Variants in MLLT10 observed in about 807,000 individuals in gnomAD.
MLLT10 encodes MLLT10 histone lysine methyltransferase DOT1L cofactor.
MLLT10 carries 30 observed loss-of-function variants against 129.1 expected under a neutral mutation model. The observed-to-expected ratio is 0.23, with a 90% CI of 0.17 to 0.32. The LOEUF is 0.32. Among genes scored for constraint, MLLT10 ranks in the 10% least tolerant of loss-of-function variants. The probability of loss-of-function intolerance (pLI) is 1.00; values close to 1 mark genes in which losing one functional copy is unlikely to be tolerated. For synonymous variants in MLLT10, 490 were observed against 446.4 expected (o/e 1.10, Z -1.23); for missense variants, 1,119 against 1,268.3 (o/e 0.88, Z 1.79).
At chr10:21,714,877 T>A (rs1162119109) in intron 14 of MLLT10, among the ~76,000 whole-genome samples, 1 of 152,192 alleles carries the variant, frequency 6.6e-6, no homozygotes, top group Admixed American at 6.5e-5. Context: ...AATCCTGTTT[T>A]ATAAAGAGGA....
chr10:21,734,172 G>A (rs2058169687), intron 20 of MLLT10, 43 bp downstream of exon 20: 2 of 1,544,522 alleles, frequency 1.3e-6, no homozygotes, highest in African/African-American at 1.4e-5. Flanking sequence ...GTATAACAGA[G>A]TACCGGTGTT....
At chr10:21,553,554 T>G (rs1342154596) in intron 3 of MLLT10, among the ~76,000 whole-genome samples, 1 of 151,982 alleles carries the variant, frequency 6.6e-6, no homozygotes, top group African/African-American at 2.4e-5. Flanking sequence ...CTCAAACTCC[T>G]GGCCTCAAGT....
At chr10:21,590,265 T>C (rs1041462345) in intron 4 of MLLT10, among the ~76,000 whole-genome samples, 4 of 152,130 alleles carry the variant, frequency 2.6e-5, no homozygotes, top group African/African-American at 9.7e-5. Context: ...TAAGTCAATT[T>C]TGGTGCGCTC....
chr10:21,537,405 C>T (rs1389982510), intron 2 of MLLT10, among the ~76,000 whole-genome samples: 1 of 152,160 alleles, frequency 6.6e-6, no homozygotes, highest in Non-Finnish European at 1.5e-5. Flanking sequence ...TCATGTGATT[C>T]TCCTGCCTCA....
At chr10:21,624,669 C>T (rs2046248328) in intron 8 of MLLT10, 4 of 1,448,162 alleles carry the variant, frequency 2.8e-6, no homozygotes, top group Admixed American at 3.5e-5. Context: ...GAATAGTCAC[C>T]ACCTTGCTGA....
In MLLT10 at chr10:21,570,241, CGT is replaced by C. The variant is rs1056847774; in HGVS notation, c.241-16042_241-16041del. ...GTGTGTGTGTGTGTGTGTGTGCGCG[CGT>C]GTGTGTGTGTTTAGAGATGGGGTTC... On this transcript the variant is annotated intron_variant, in intron 3 of 22. Coordinates refer to ENST00000307729, the MANE Select transcript of MLLT10 (RefSeq NM_001195626.3). 1.2e-4 allele frequency among the ~76,000 whole-genome samples: 18 copies of C among 149,774 alleles called. No homozygotes were observed. The South Asian group carries it at 1.3e-3, about 11-fold the overall frequency.
intron 9 of MLLT10, among the ~76,000 whole-genome samples, chr10:21,655,921 T>C (rs529432105): frequency 6.6e-6 from 1 of 152,214 alleles, no homozygotes; most frequent in South Asian, 2.1e-4. Flanking sequence ...CTTTCAGCTG[T>C]TGAAGGAGGG....
intron 8 of MLLT10, among the ~76,000 whole-genome samples, chr10:21,628,991 G>T (rs772661210): frequency 3.6e-4 from 55 of 151,842 alleles, no homozygotes; most frequent in Non-Finnish European, 5.6e-4. Flanking sequence ...TCAGGTGATT[G>T]CCCACCTTGG....
At chr10:21,593,610 T>C (rs1423933679) in intron 4 of MLLT10, among the ~76,000 whole-genome samples, 6 of 152,052 alleles carry the variant, frequency 3.9e-5, no homozygotes. Context: ...TTGGTACTTA[T>C]TGTGCTGGAA....
chr10:21,658,083 C>A (rs529045481), intron 9 of MLLT10, among the ~76,000 whole-genome samples: 7 of 151,992 alleles, frequency 4.6e-5, no homozygotes, highest in South Asian at 4.1e-4. Context: ...GAAGGAAATA[C>A]ACACAATCTT....
At chr10:21,568,142 C>T (rs2039804963) in intron 3 of MLLT10, among the ~76,000 whole-genome samples, 1 of 152,082 alleles carries the variant, frequency 6.6e-6, no homozygotes, top group African/African-American at 2.4e-5. Flanking sequence ...TTTATTTGGT[C>T]AGTGCCCATC....
chr10:21,574,314 A>G (rs2040509619), intron 3 of MLLT10, among the ~76,000 whole-genome samples: 1 of 152,088 alleles, frequency 6.6e-6, no homozygotes, highest in African/African-American at 2.4e-5. Flanking sequence ...GGTAATTCCC[A>G]TTTTATTCTT....
chr10:21,733,704 C>G lies in MLLT10; in HGVS notation c.2497-64C>G, dbSNP rs1446399068. 5 of 1,531,116 alleles carry G rather than the reference C, an allele frequency of 3.3e-6. No homozygotes were observed. The African/African-American group carries it at 6.9e-5, about 21-fold the overall frequency. The allele number at this position is 1,531,116 out of a possible 1,614,324, so 94.8% of individuals were successfully genotyped here. A position where few individuals can be genotyped will look rare whatever the true frequency, so the allele number is the denominator to read the frequency against. On this transcript the variant is annotated intron_variant, in intron 19 of 22. Transcript: ENST00000307729. Reference sequence around the variant, plus strand: ...TTGCAGTGTTCTTTAAACTTAGTTTCTCTTCTTTCTTACGCTGGGACTTAA... The same window carrying G: ...TTGCAGTGTTCTTTAAACTTAGTTTGTCTTCTTTCTTACGCTGGGACTTAA...
intron 3 of MLLT10, among the ~76,000 whole-genome samples, chr10:21,576,110 A>G (rs1356440276): frequency 6.7e-6 from 1 of 150,330 alleles, no homozygotes; most frequent in African/African-American, 2.4e-5. Flanking sequence ...TATTTTTGGT[A>G]GAGATGGGGC....
At chr10:21,621,541 A>T (rs1031628508) in intron 8 of MLLT10, among the ~76,000 whole-genome samples, 8 of 152,072 alleles carry the variant, frequency 5.3e-5, no homozygotes, top group African/African-American at 1.9e-4. Flanking sequence ...TACCGCGCCC[A>T]GCCAAGAATT....
intron 3 of MLLT10, among the ~76,000 whole-genome samples, chr10:21,548,572 T>C (rs1316873021): frequency 2.0e-5 from 3 of 152,088 alleles, no homozygotes; most frequent in Non-Finnish European, 4.4e-5. Flanking sequence ...GGTTTTTCCA[T>C]GTGAGCCGAG....
At chr10:21,728,602 T>C (rs2057701996) in intron 16 of MLLT10, among the ~76,000 whole-genome samples, 1 of 152,188 alleles carries the variant, frequency 6.6e-6, no homozygotes, top group Non-Finnish European at 1.5e-5. Context: ...CTGTGCGTTC[T>C]CTTTGTTTTC....
intron 13 of MLLT10, among the ~76,000 whole-genome samples, chr10:21,689,569 A>ATATATATATATATATATGTATGTG (rs1267101084): frequency 2.4e-5 from 2 of 83,186 alleles, no homozygotes; most frequent in African/African-American, 6.9e-5. Context: ...ATATATGTAT[A>ATATATATATATATATATGTATGTG]TATATATATA....
intron 21 of MLLT10, 111 bp downstream of exon 21, chr10:21,735,346 CA>C: frequency 2.1e-6 from 2 of 954,708 alleles, no homozygotes; most frequent in South Asian, 1.6e-5. Flanking sequence ...AATGCATAAT[CA>C]AAAAAGTTTT....
Sources: gnomAD v4.1 joint callset for allele counts (sites outside exome capture counted in the v4.1 genomes callset) on GRCh38, gnomAD v4.1.1 for gene constraint, MANE v1.5 for transcripts, NCBI Gene and HGNC (gene_info 2026-07-23, HGNC 2026-07-21) for gene names.